GRK2: variants seen among roughly 807,000 people sequenced by gnomAD.
GRK2 encodes G protein-coupled receptor kinase 2, also known as adrenergic beta receptor kinase 1.
GRK2 carries 23 observed loss-of-function variants against 97.8 expected under a neutral mutation model. That is an observed-to-expected ratio of 0.24 (90% confidence interval 0.17 to 0.33). The LOEUF is 0.33. Ranked by LOEUF, GRK2 falls within the 10% of genes least tolerant of loss-of-function variation. GRK2 has a pLI of 1.00. For synonymous variants in GRK2, 425 were observed against 381.7 expected (o/e 1.11, Z -1.32); for missense variants, 633 against 956.9 (o/e 0.66, Z 4.47).
chr11:67,271,886 G>A (rs1431290493), intron 1 of GRK2, among the ~76,000 whole-genome samples: 1 of 152,180 alleles, frequency 6.6e-6, no homozygotes, highest in Non-Finnish European at 1.5e-5. Flanking sequence ...CTGGCACCTT[G>A]GTGTCTGGTT....
rs1860180331 is a variant in GRK2, at chr11:67,282,679, G to A, written c.1161-73G>A. ...GGCACCGTCCCTGACTTTGGCCACA[G>A]CTCATCCATGCTGCCTGCCTCCCTT... On this transcript the variant is annotated intron_variant, in intron 13 of 20. Transcript: ENST00000308595. The surrounding 1 kb of genome is among the most constrained non-coding windows in gnomAD (Gnocchi z 6.9). 5 of 1,586,810 alleles carry A rather than the reference G, an allele frequency of 3.2e-6. No individual in the cohort carries two copies. Among genetic ancestry groups the A allele is most frequent in the Admixed American group, 1.7e-5 (1 of 57,798 alleles).
In GRK2 at chr11:67,286,068, A is replaced by G. The variant is rs1590857480; in HGVS notation, c.*618A>G. On this transcript the variant is annotated 3_prime_UTR_variant, in exon 21 of 21. Coordinates refer to ENST00000308595, the MANE Select transcript of GRK2 (RefSeq NM_001619.5). ...GCTTGGCTGAGAGAGTGGCATTGGC[A>G]GCAGGTGCTGCTACCCTCCCTGCTG... 6.3e-6 allele frequency: 2 copies of G among 319,082 alleles called. No homozygotes were observed. The highest frequency in any genetic ancestry group is 2.2e-5 in the African/African-American group (1 of 45,250). 19.8% of individuals were successfully genotyped at this position (319,082 alleles called of 1,614,324 possible). A position where few individuals can be genotyped will look rare whatever the true frequency, so the allele number is the denominator to read the frequency against.
In GRK2 at chr11:67,284,897, G is replaced by A. The variant is rs1860237859; in HGVS notation, c.1705G>A (p.Gly569Ser). 6.2e-7 allele frequency: 1 copy of A among 1,613,490 alleles called. No homozygotes were observed. ...CIMHGYMSKM[G>S]NPFLTQWQRR... ...CATGCATGGCTACATGTCCAAGATG[G>A]GCAACCCCTTCCTGACCCAGTGGCA... The change falls in exon 19 of 21, where the codon GGC becomes AGC. Residue 569 changes from glycine to serine, a missense_variant. Physicochemically the swap from Gly to Ser is moderately conservative, Grantham distance 56. This residue lies in a region of GRK2 where 180 missense variants were observed against 311.3 expected (regional missense o/e 0.58). Coordinates refer to ENST00000308595, the MANE Select transcript of GRK2 (RefSeq NM_001619.5).
rs1488246192 is a variant in GRK2 at position 67,285,595 on chromosome 11, C to G, written c.*145C>G. 1 of 1,094,328 alleles carries G rather than the reference C, an allele frequency of 9.1e-7. No individual in the cohort carries two copies. The highest frequency in any genetic ancestry group is 1.2e-6 in the Non-Finnish European group (1 of 800,478). The allele number at this position is 1,094,328 out of a possible 1,614,324, so 67.8% of individuals were successfully genotyped here. ...TGGCCCAGCTCCCCCGGGAGGGGCC[C>G]GCTTGCCTCGGCTCCTGCTGCACCA... is the stretch of plus-strand genomic sequence containing the variant. On this transcript the variant is annotated 3_prime_UTR_variant, in exon 21 of 21. Transcript: ENST00000308595.
intron 1 of GRK2, among the ~76,000 whole-genome samples, chr11:67,268,204 C>T (rs924146646): frequency 6.6e-6 from 1 of 152,204 alleles, no homozygotes; most frequent in Admixed American, 6.5e-5. Context: ...TTGAAGCAGC[C>T]GTCTAAGCTC....
At position 67,279,612 on chromosome 11, in the gene GRK2, T is replaced by C; in HGVS notation, c.367-14T>C. On this transcript the variant is annotated splice_polypyrimidine_tract_variant and intron_variant, in intron 4 of 20. Coordinates refer to ENST00000308595, the MANE Select transcript of GRK2 (RefSeq NM_001619.5). Reference sequence around the variant, plus strand: ...ACCCTGCTGAGAATTCATGGCCACCTCTGTCTTCCCCAGCCCTTCTCGAAG... The same window carrying C: ...ACCCTGCTGAGAATTCATGGCCACCCCTGTCTTCCCCAGCCCTTCTCGAAG... The C allele has an allele frequency of 6.2e-7, 1 of 1,613,296 alleles. No homozygotes were observed. Among genetic ancestry groups the C allele is most frequent in the Non-Finnish European group, 8.5e-7 (1 of 1,179,916 alleles).
chr11:67,283,361 C>T (rs1860196753), intron 15 of GRK2, 133 bp downstream of exon 15: 1 of 797,542 alleles, frequency 1.3e-6, no homozygotes, highest in South Asian at 1.5e-5. Flanking sequence ...CATGGCCAGC[C>T]CTGTCCAATG....
At position 67,281,309 on chromosome 11, in the gene GRK2, C is replaced by A. The variant is rs1860146100; in HGVS notation, c.647+125C>A. On this transcript the variant is annotated intron_variant, in intron 8 of 20. Transcript: ENST00000308595. This position sits in a 1 kb window ranked among gnomAD's most constrained non-coding sequence, Gnocchi z 5.7. The stretch of plus-strand genomic sequence containing the variant: ...CACTCCTGTCTTGCCGTGCTGTTAC[C>A]CCCGCAGGCTCCTCTGGCCCCAGCC... 1.0e-5 allele frequency: 11 copies of A among 1,074,986 alleles called. No homozygotes were observed. The highest frequency in any genetic ancestry group is 1.5e-5 in the Non-Finnish European group (11 of 726,042). The allele number at this position is 1,074,986 out of a possible 1,614,324, so 66.6% of individuals were successfully genotyped here.
At chr11:67,277,994 G>A (rs1237198162) in intron 2 of GRK2, among the ~76,000 whole-genome samples, 1 of 152,226 alleles carries the variant, frequency 6.6e-6, no homozygotes, top group African/African-American at 2.4e-5. Context: ...GTCAGCCTGG[G>A]GGAGTCGGTG....
In GRK2 at chr11:67,281,830, C is replaced by G; in HGVS notation, c.835C>G (p.Leu279Val). The G allele has an allele frequency of 6.2e-7, 1 of 1,613,710 alleles. No homozygotes were observed. Among genetic ancestry groups the G allele is most frequent in the Non-Finnish European group, 8.5e-7 (1 of 1,179,996 alleles). Residue 279 changes from leucine to valine, a missense_variant, in exon 11 of 21, where the codon CTG becomes GTG. Leu to Val is a conservative substitution (Grantham distance 32). This residue lies in a region of GRK2 where 192 missense variants were observed against 362.3 expected (regional missense o/e 0.53). Transcript: ENST00000308595. This position sits in a 1 kb window ranked among gnomAD's most constrained non-coding sequence, Gnocchi z 5.7. Reference sequence around the variant, plus strand: ...GGGACTGCCTCCCTCAGGTGGGGACCTGCACTACCACCTCTCCCAGCACGG... The same window carrying G: ...GGGACTGCCTCCCTCAGGTGGGGACGTGCACTACCACCTCTCCCAGCACGG... ...FILDLMNGGD[L>V]HYHLSQHGVF...
At position 67,280,510 on chromosome 11, in the gene GRK2, A is replaced by C. The variant is rs1004204079; in HGVS notation, c.504-222A>C. 7.7e-5 allele frequency: 46 copies of C among 597,660 alleles called. 1 individual carries two copies. The Middle Eastern group carries it at 1.2e-3, about 16-fold the overall frequency. 37.0% of individuals were successfully genotyped at this position (597,660 alleles called of 1,614,324 possible). ...CTGATTCCAGCAGGAAGCCACGGCC[A>C]GGTGGCCGAGGGCCATGCTGGGCAC... On this transcript the variant is annotated intron_variant, in intron 6 of 20. Transcript: ENST00000308595.
Position 67,282,954 on chromosome 11 carries a change from C to T in GRK2, c.1227+136C>T. ...CTACTCTGGCCTCTGAGACAGACCT[C>T]CTGCCCCATAGGCTCTCGCCCTCCC... On this transcript the variant is annotated intron_variant, in intron 14 of 20. Transcript: ENST00000308595. The surrounding 1 kb of genome is among the most constrained non-coding windows in gnomAD (Gnocchi z 6.9). The T allele has an allele frequency of 3.4e-6, 4 of 1,177,042 alleles. No homozygotes were observed. Among genetic ancestry groups the T allele is most frequent in the Non-Finnish European group, 3.7e-6 (3 of 818,632 alleles). 72.9% of individuals were successfully genotyped at this position (1,177,042 alleles called of 1,614,324 possible). A position where few individuals can be genotyped will look rare whatever the true frequency, so the allele number is the denominator to read the frequency against.
At chr11:67,284,112 C>T (rs971394910) in intron 17 of GRK2, 99 bp from the exon 18 acceptor site, 2 of 1,532,364 alleles carry the variant, frequency 1.3e-6, no homozygotes, top group Non-Finnish European at 1.8e-6. Flanking sequence ...GTTGCACTGA[C>T]CATCCCTACC....
rs1434813653 is a variant in GRK2 at position 67,284,994 on chromosome 11, C to T, written c.1791+11C>T. The T allele has an allele frequency of 6.2e-7, 1 of 1,612,306 alleles. No homozygotes were observed. The highest frequency in any genetic ancestry group is 1.7e-5 in the Admixed American group (1 of 59,964). On this transcript the variant is annotated intron_variant, in intron 19 of 20. Coordinates refer to ENST00000308595, the MANE Select transcript of GRK2 (RefSeq NM_001619.5). ...GAGGGCGAGGCCCCGGTAAGGAGCC[C>T]GTGCGGGGGTCCGGGAGCCGGGCTT...
chr11:67,282,268 C>G lies in GRK2; in HGVS notation c.958-3C>G. The stretch of plus-strand genomic sequence containing the variant: ...CAGGCAGCTCACTGGGCTTCCTTCA[C>G]AGCCAGCCAACATCCTTCTGGACGA... On this transcript the variant is annotated splice_polypyrimidine_tract_variant and splice_region_variant and intron_variant, in intron 11 of 20. Coordinates refer to ENST00000308595, the MANE Select transcript of GRK2 (RefSeq NM_001619.5). The surrounding 1 kb of genome is among the most constrained non-coding windows in gnomAD (Gnocchi z 6.9). The G allele has an allele frequency of 6.2e-7, 1 of 1,613,186 alleles. No homozygotes were observed. The highest frequency in any genetic ancestry group is 8.5e-7 in the Non-Finnish European group (1 of 1,179,810).
intron 1 of GRK2, among the ~76,000 whole-genome samples, chr11:67,274,009 CTTTTTTTTTTTT>C (rs1186824487): frequency 7.9e-6 from 1 of 126,762 alleles, no homozygotes; most frequent in Non-Finnish European, 1.7e-5. Context: ...AAACTGGCAC[CTTTTTTTTTTTT>C]TTTTTTTTTG....
chr11:67,267,883 C>T (rs1859830876), intron 1 of GRK2, among the ~76,000 whole-genome samples: 1 of 152,248 alleles, frequency 6.6e-6, no homozygotes, highest in African/African-American at 2.4e-5. Flanking sequence ...CAGGTAGTCC[C>T]AGGTGGCACC....
chr11:67,270,647 T>C (rs1859887443), intron 1 of GRK2, among the ~76,000 whole-genome samples: 1 of 152,186 alleles, frequency 6.6e-6, no homozygotes, highest in African/African-American at 2.4e-5. Context: ...GGCAGCGTTC[T>C]CCCAACTCCT....
At chr11:67,284,514 G>T in intron 18 of GRK2, 141 bp downstream of exon 18, 1 of 1,026,766 alleles carries the variant, frequency 9.7e-7, no homozygotes, top group East Asian at 2.6e-5. Flanking sequence ...GCCGGGCATG[G>T]TGGCTCACGC....
Sources: gnomAD v4.1 joint callset for allele counts (sites outside exome capture counted in the v4.1 genomes callset) on GRCh38, gnomAD v4.1.1 for gene constraint, gnomAD v4.1.1 regional missense constraint, Gnocchi (gnomAD v3.1) non-coding constraint, MANE v1.5 for transcripts, NCBI Gene and HGNC (gene_info 2026-07-23, HGNC 2026-07-21) for gene names.